ZBTB17: variants seen among roughly 807,000 people sequenced by gnomAD.
ZBTB17 encodes zinc finger and BTB domain-containing protein 17.
ZBTB17 carries 24 observed loss-of-function variants against 85.1 expected under a neutral mutation model. The observed-to-expected ratio is 0.28, with a 90% confidence interval of 0.20 to 0.40. The LOEUF is 0.40. Among genes scored for constraint, ZBTB17 ranks in the 10% least tolerant of loss-of-function variants. The pLI is 1.00. For synonymous variants in ZBTB17, 464 were observed against 460.2 expected (o/e 1.01, Z -0.11); for missense variants, 743 against 1,105.1 (o/e 0.67, Z 4.65).
rs191992247 is a variant in ZBTB17 at position 15,949,750 on chromosome 1, G to A, written c.-2-1253C>T. On this transcript the variant is annotated intron_variant, in intron 2 of 15. Coordinates refer to ENST00000375743, the MANE Select transcript of ZBTB17 (RefSeq NM_003443.3). ...GCTGCTGTGGCCATGCATGGCTGTC[G>A]GGCTGTGATGAGTCCGGAGGAAGCC... Among the ~76,000 whole-genome samples the A allele has an allele frequency of 2.0e-5, 3 of 152,340 alleles. No homozygotes were observed. In the East Asian group the frequency reaches 5.8e-4, roughly 29 times the overall value.
At chr1:15,963,748 C>T (rs1344811024) in intron 2 of ZBTB17, among the ~76,000 whole-genome samples, 2 of 151,938 alleles carry the variant, frequency 1.3e-5, no homozygotes, top group Non-Finnish European at 2.9e-5. Context: ...GAAGGAAGAA[C>T]AATGAAAGTA....
At position 15,975,680 on chromosome 1, in the gene ZBTB17, G is replaced by A. The variant is rs559953164; in HGVS notation, c.-90+303C>T. Among the ~76,000 whole-genome samples the A allele has an allele frequency of 7.9e-5, 12 of 152,166 alleles. No homozygotes were observed. In the East Asian group the frequency reaches 2.3e-3, roughly 29 times the overall value. On this transcript the variant is annotated intron_variant, in intron 1 of 15. Coordinates refer to ENST00000375743, the MANE Select transcript of ZBTB17 (RefSeq NM_003443.3). ...GCGGGGTCAAGGGGCGGTGACAGCC[G>A]TGCGGCGGGGGCGGAGATGCTACCA...
intron 2 of ZBTB17, among the ~76,000 whole-genome samples, chr1:15,967,353 G>C (rs1383040448): frequency 6.6e-6 from 1 of 151,792 alleles, no homozygotes; most frequent in Admixed American, 6.6e-5. Context: ...TCTAGCCTTG[G>C]CCACAGAGCA....
At chr1:15,954,057 A>G (rs1012282541) in intron 2 of ZBTB17, among the ~76,000 whole-genome samples, 1 of 152,230 alleles carries the variant, frequency 6.6e-6, no homozygotes, top group African/African-American at 2.4e-5. Flanking sequence ...ATTCCAGAGC[A>G]CAATTAGCAT....
intron 2 of ZBTB17, among the ~76,000 whole-genome samples, chr1:15,971,590 C>CTA (rs1403262830): frequency 3.6e-4 from 52 of 142,822 alleles, no homozygotes; most frequent in African/African-American, 1.2e-3. Flanking sequence ...TACACACACA[C>CTA]TATATATATA....
intron 2 of ZBTB17, among the ~76,000 whole-genome samples, chr1:15,971,958 G>A (rs551586766): frequency 2.0e-3 from 297 of 151,582 alleles, no homozygotes; most frequent in Middle Eastern, 3.4e-3. Flanking sequence ...GCCACTCAAC[G>A]GGAGGGCAGA....
chr1:15,957,166 G>C (rs1158574129), intron 2 of ZBTB17, among the ~76,000 whole-genome samples: 1 of 145,250 alleles, frequency 6.9e-6, no homozygotes, highest in African/African-American at 2.6e-5. Flanking sequence ...GTGACAGTGA[G>C]AGACTCCATC....
At chr1:15,949,307 C>T (rs933603195) in intron 2 of ZBTB17, among the ~76,000 whole-genome samples, 3 of 152,228 alleles carry the variant, frequency 2.0e-5, no homozygotes, top group African/African-American at 7.2e-5. Context: ...ACCGCACAAG[C>T]CGTGACTAAG....
chr1:15,952,209 G>A lies in ZBTB17; in HGVS notation c.-2-3712C>T, dbSNP rs187648079. 2.2e-3 allele frequency among the ~76,000 whole-genome samples: 339 copies of A among 152,284 alleles called. 3 individuals carry two copies. The highest frequency in any genetic ancestry group is 2.1e-3 in the Non-Finnish European group (142 of 68,024). Reference sequence around the variant, plus strand: ...CCTGACCCCCACTCACAAAGTCTTAGCTGCAATCGGGCACCTTTTCCCAAC... The same window carrying A: ...CCTGACCCCCACTCACAAAGTCTTAACTGCAATCGGGCACCTTTTCCCAAC... On this transcript the variant is annotated intron_variant, in intron 2 of 15. Coordinates refer to ENST00000375743, the MANE Select transcript of ZBTB17 (RefSeq NM_003443.3). The surrounding 1 kb of genome is among the most constrained non-coding windows in gnomAD (Gnocchi z 4.3).
intron 2 of ZBTB17, among the ~76,000 whole-genome samples, chr1:15,960,024 A>G (rs2148795651): frequency 6.6e-6 from 1 of 152,364 alleles, no homozygotes; most frequent in African/African-American, 2.4e-5. Flanking sequence ...CGCCCCGAGC[A>G]CCACAGCTGG....
Position 15,973,252 on chromosome 1 carries a change from CA to C in ZBTB17, c.-89-128del, listed in dbSNP as rs2148820215. Reference sequence around the variant, plus strand: ...AGAGTGCTTAGCACAGAGCCTGGCCCAAGGAAGTGCTGAATAAATGGCCTGC... The same window carrying C: ...AGAGTGCTTAGCACAGAGCCTGGCCCAGGAAGTGCTGAATAAATGGCCTGC... On this transcript the variant is annotated intron_variant, in intron 1 of 15. Coordinates refer to ENST00000375743, the MANE Select transcript of ZBTB17 (RefSeq NM_003443.3). This position sits in a 1 kb window ranked among gnomAD's most constrained non-coding sequence, Gnocchi z 4.1. 6.6e-6 allele frequency: 1 copy of C among 152,322 alleles called. No individual in the cohort carries two copies. Among genetic ancestry groups the C allele is most frequent in the South Asian group, 2.1e-4 (1 of 4,824 alleles). The allele number at this position is 152,322 out of a possible 1,614,324, so 9.4% of individuals were successfully genotyped here.
Position 15,976,068 on chromosome 1 carries a change from C to G in ZBTB17, c.-175G>C, listed in dbSNP as rs1351002710. The G allele has an allele frequency of 1.5e-6, 1 of 688,858 alleles. No individual in the cohort carries two copies. Among genetic ancestry groups the G allele is most frequent in the Non-Finnish European group, 2.6e-6 (1 of 378,702 alleles). 42.7% of individuals were successfully genotyped at this position (688,858 alleles called of 1,614,324 possible). On this transcript the variant is annotated 5_prime_UTR_variant, in exon 1 of 16. Transcript: ENST00000375743. The stretch of plus-strand genomic sequence containing the variant: ...ACGGCACTCCAGAGCAGACAAAGGG[C>G]GCCGCCATGTTAGAGTCGGGCGGAA...
rs2071707778 is a variant in ZBTB17, at chr1:15,948,559, G to C, written c.-2-62C>G. ...GAAAGGACGTCAGACACGCTCAACA[G>C]TCACTCCTAAAGTCCCAGGCGAGCA... On this transcript the variant is annotated intron_variant, in intron 2 of 15. Coordinates refer to ENST00000375743, the MANE Select transcript of ZBTB17 (RefSeq NM_003443.3). The C allele has an allele frequency of 2.0e-6, 3 of 1,535,118 alleles. No individual in the cohort carries two copies. The Admixed American group carries it at 5.3e-5, about 27-fold the overall frequency.
Position 15,964,125 on chromosome 1 carries a change from A to AG in ZBTB17, c.-3+8913_-3+8914insC, listed in dbSNP as rs386366295. Among the ~76,000 whole-genome samples the AG allele has an allele frequency of 1.6e-5, 1 of 63,910 alleles. No homozygotes were observed. Among genetic ancestry groups the AG allele is most frequent in the African/African-American group, 4.7e-5 (1 of 21,264 alleles). 41.9% of individuals were successfully genotyped at this position (63,910 alleles called of 152,430 possible). A position where few individuals can be genotyped will look rare whatever the true frequency, so the allele number is the denominator to read the frequency against. On this transcript the variant is annotated intron_variant, in intron 2 of 15. Transcript: ENST00000375743. The surrounding 1 kb of genome is among the most constrained non-coding windows in gnomAD (Gnocchi z 4.3). ...ACAGCGAGACCCTGTCTCTAGAGAG[A>AG]AAAAAAAAAAAAGGTTTAAAAAGAA...
chr1:15,949,936 G>A (rs2071769622), intron 2 of ZBTB17, among the ~76,000 whole-genome samples: 2 of 152,212 alleles, frequency 1.3e-5, no homozygotes, highest in Non-Finnish European at 2.9e-5. Flanking sequence ...GAGCCACAGC[G>A]CACCAGCCTC....
intron 2 of ZBTB17, among the ~76,000 whole-genome samples, chr1:15,956,098 C>G (rs1478223582): frequency 6.6e-6 from 1 of 152,196 alleles, no homozygotes; most frequent in East Asian, 1.9e-4. Context: ...ATTAAGGGGC[C>G]TTCCTGCCAA....
chr1:15,950,987 A>G (rs1438858215), intron 2 of ZBTB17, among the ~76,000 whole-genome samples: 2 of 152,182 alleles, frequency 1.3e-5, no homozygotes, highest in Non-Finnish European at 1.5e-5. Flanking sequence ...TCGCTAGATA[A>G]TAAAATAGTA....
intron 1 of ZBTB17, among the ~76,000 whole-genome samples, chr1:15,974,203 CA>C (rs914326627): frequency 9.5e-6 from 1 of 105,528 alleles, no homozygotes; most frequent in Non-Finnish European, 2.0e-5. Context: ...AAAAAAAAAA[CA>C]AAAACAAAAA....
rs1253559156 is a variant in ZBTB17 at position 15,943,606 on chromosome 1, A to AATC, written c.1568_1569insGAT (p.Arg522_Ile523insMet). Reference sequence around the variant, plus strand: ...TGGCCGCTCACCACCCACCTGTGTGAATGCGGACGTGCCGCTGCAGAGCGC... The same window carrying AATC: ...TGGCCGCTCACCACCCACCTGTGTGAATCATGCGGACGTGCCGCTGCAGAGCGC... On this transcript the variant is annotated inframe_insertion, in exon 11 of 16. Transcript: ENST00000375743. The AATC allele has an allele frequency of 6.2e-7, 1 of 1,612,848 alleles. No individual in the cohort carries two copies. Among genetic ancestry groups the AATC allele is most frequent in the South Asian group, 1.1e-5 (1 of 91,076 alleles).
Sources: allele counts gnomAD v4.1 joint callset (sites outside exome capture counted in the v4.1 genomes callset), GRCh38; gene constraint gnomAD v4.1.1; non-coding constraint Gnocchi (gnomAD v3.1); transcripts MANE v1.5; gene names NCBI Gene and HGNC (gene_info 2026-07-23, HGNC 2026-07-21).